BMP1: variants seen among roughly 807,000 people sequenced by gnomAD.
The protein encoded by BMP1 is bone morphogenetic protein 1.
BMP1 carries 63 observed loss-of-function variants against 116.8 expected under a neutral mutation model. That is an observed-to-expected ratio of 0.54 (90% CI 0.44 to 0.67). BMP1 has a LOEUF of 0.67. BMP1 is among the 30% of genes least tolerant of loss of function. BMP1 has a pLI of 0.00. For missense variants in BMP1, 1,183 were observed against 1,358.9 expected, an observed-to-expected ratio of 0.87 and a Z score of 2.04; for synonymous variants, 536 against 533.4, an observed-to-expected ratio of 1.00 and a Z score of -0.07.
Position 22,179,830 on chromosome 8 carries a change from G to C in BMP1, c.961+1G>C. On this transcript the variant is annotated splice_donor_variant, in intron 7 of 19. Coordinates refer to ENST00000306385, the MANE Select transcript of BMP1 (RefSeq NM_006129.5). LOFTEE classifies it high-confidence loss of function. The surrounding 1 kb of genome is among the most constrained non-coding windows in gnomAD (Gnocchi z 4.6). ...GCCCGCAAGCTTTACAAGTGCCCAG[G>C]TCAGGGCAGAGAAGGGATGGGTGAG... The C allele has an allele frequency of 6.2e-7, 1 of 1,613,082 alleles. No individual in the cohort carries two copies. The highest frequency in any genetic ancestry group is 8.5e-7 in the Non-Finnish European group (1 of 1,179,292).
chr8:22,201,776 C>T (rs376495635), intron 15 of BMP1, 27 bp from the exon 16 acceptor site: 30 of 1,611,134 alleles, frequency 1.9e-5, no homozygotes, highest in African/African-American at 6.7e-5. Context: ...ACAGACCCAG[C>T]GTCTGCCCTT....
chr8:22,175,136 C>T (rs776558342), intron 2 of BMP1, among the ~76,000 whole-genome samples: 54 of 152,268 alleles, frequency 3.5e-4, no homozygotes, highest in Non-Finnish European at 5.9e-4. Flanking sequence ...TATGGCACAA[C>T]GGAAAGCTGC....
rs138956744 is a variant in BMP1, at chr8:22,196,392, C to T, written c.1766-288C>T. On this transcript the variant is annotated intron_variant, in intron 13 of 19. Transcript: ENST00000306385. ...CTGCTTTCCCTGAGCCCCTTATTCC[C>T]GCTCACTCCCTCTTGGAGGACCTTG... 8.6e-4 allele frequency: 507 copies of T among 590,612 alleles called. 3 individuals carry two copies. Among genetic ancestry groups the T allele is most frequent in the African/African-American group, 3.6e-3 (196 of 54,472 alleles). 36.6% of individuals were successfully genotyped at this position (590,612 alleles called of 1,614,324 possible).
At position 22,206,967 on chromosome 8, in the gene BMP1, C is replaced by A. The variant is rs1472054511; in HGVS notation, c.2347C>A (p.His783Asn). 6.2e-7 allele frequency: 1 copy of A among 1,614,190 alleles called. No homozygotes were observed. Among genetic ancestry groups the A allele is most frequent in the Non-Finnish European group, 8.5e-7 (1 of 1,180,010 alleles). ...GTGGGCCATCTCCAGCACCCCCGGG[C>A]ACCGGGTCAAGCTGGTAAGGGGTCC... The part of the protein sequence containing the change: ...CTWAISSTPG[H>N]RVKLTFMEMD... The change falls in exon 17 of 20, where the codon CAC becomes AAC. Residue 783 changes from histidine (H) to asparagine (N), a missense_variant. Physicochemically the swap from His to Asn is moderately conservative, Grantham distance 68. Transcript: ENST00000306385.
intron 2 of BMP1, 46 bp downstream of exon 2, chr8:22,173,761 C>T: frequency 2.7e-6 from 4 of 1,494,926 alleles, no homozygotes; most frequent in Admixed American, 1.9e-5. Flanking sequence ...AAATGGGTTC[C>T]AGGCTTAGGG....
At chr8:22,191,519 C>T (rs1828930506) in intron 8 of BMP1, among the ~76,000 whole-genome samples, 1 of 152,156 alleles carries the variant, frequency 6.6e-6, no homozygotes, top group East Asian at 1.9e-4. Flanking sequence ...CGGAGGATGG[C>T]TTAAGCCTGG....
In BMP1 at chr8:22,203,754, G is replaced by A. The variant is rs117983324; in HGVS notation, c.2233+1826G>A. ...CTCAACAGTGAACCAGTGGACAGTC[G>A]AGGGCTTCCAACCCTGTGACCTCAG... On this transcript the variant is annotated intron_variant, in intron 16 of 19. Coordinates refer to ENST00000306385, the MANE Select transcript of BMP1 (RefSeq NM_006129.5). Among the ~76,000 whole-genome samples the A allele has an allele frequency of 9.6e-4, 146 of 152,252 alleles. 2 individuals are homozygous for A. The East Asian group carries it at 0.02, about 21-fold the overall frequency.
chr8:22,208,401 C>A (rs1222726200), intron 18 of BMP1, among the ~76,000 whole-genome samples: 3 of 152,244 alleles, frequency 2.0e-5, no homozygotes, highest in Non-Finnish European at 4.4e-5. Flanking sequence ...GCCCCCCACC[C>A]CATACTAGGA....
chr8:22,167,741 C>G (rs943797229), intron 1 of BMP1, among the ~76,000 whole-genome samples: 12 of 152,288 alleles, frequency 7.9e-5, no homozygotes, highest in South Asian at 4.1e-4. Flanking sequence ...CCGGGCCTGA[C>G]AAGGCCAGGC....
chr8:22,177,446 C>T (rs1828479556), intron 5 of BMP1: 1 of 686,170 alleles, frequency 1.5e-6, no homozygotes, highest in African/African-American at 1.7e-5. Flanking sequence ...GGGGACTGCT[C>T]AGGCCTTTCT....
At chr8:22,200,735 G>A (rs772013579) in intron 15 of BMP1, among the ~76,000 whole-genome samples, 19 of 152,068 alleles carry the variant, frequency 1.2e-4, no homozygotes, top group Non-Finnish European at 2.1e-4. Flanking sequence ...AGATGTCGCC[G>A]CCTGAATGAG....
intron 8 of BMP1, among the ~76,000 whole-genome samples, chr8:22,190,345 GA>G (rs1349557868): frequency 6.6e-6 from 1 of 152,190 alleles, no homozygotes; most frequent in Non-Finnish European, 1.5e-5. Flanking sequence ...AAGAATAGAA[GA>G]AAAAGGATGG....
At chr8:22,171,377 G>C (rs144921042) in intron 1 of BMP1, 1 of 152,310 alleles carries the variant, frequency 6.6e-6, no homozygotes, top group African/African-American at 2.4e-5. Flanking sequence ...GCATGTTGTG[G>C]GCAGGCCAGG....
intron 1 of BMP1, among the ~76,000 whole-genome samples, chr8:22,167,553 G>T (rs1331230786): frequency 6.6e-6 from 1 of 152,204 alleles, no homozygotes; most frequent in African/African-American, 2.4e-5. Flanking sequence ...TGTTGGAAAT[G>T]GGAGTGATTT....
Position 22,194,133 on chromosome 8 carries a change from G to A in BMP1, c.1256G>A (p.Ser419Asn). 1 of 1,614,078 alleles carries A rather than the reference G, an allele frequency of 6.2e-7. No homozygotes were observed. Among genetic ancestry groups the A allele is most frequent in the Non-Finnish European group, 8.5e-7 (1 of 1,179,984 alleles). ...DSRLWVEFRS[S>N]SNWVGKGFFA... ...CGCCTCTGGGTTGAATTCCGCAGCA[G>A]CAGCAATTGGGTTGGAAAGGGCTTC... The change falls in exon 10 of 20, where the codon AGC (serine) becomes AAC (asparagine). Residue 419 changes from serine to asparagine, a missense_variant. Physicochemically the swap from Ser to Asn is conservative, Grantham distance 46. Around this residue, in one of 4 missense-constraint regions of BMP1, gnomAD observed 956 missense variants for 1,135.2 expected, o/e 0.84. Transcript: ENST00000306385. This position sits in a 1 kb window ranked among gnomAD's most constrained non-coding sequence, Gnocchi z 4.5.
chr8:22,192,224 T>TC, intron 9 of BMP1, 73 bp downstream of exon 9: 1 of 1,360,678 alleles, frequency 7.3e-7, no homozygotes, highest in Admixed American at 1.7e-5. Context: ...ACACTCTTCA[T>TC]CCCCCTCCAG....
At chr8:22,193,771 G>A (rs192404992) in intron 9 of BMP1, among the ~76,000 whole-genome samples, 65 of 152,270 alleles carry the variant, frequency 4.3e-4, no homozygotes, top group African/African-American at 1.3e-3. Flanking sequence ...GTGACAGAGC[G>A]AGACTCCATC....
intron 14 of BMP1, 121 bp downstream of exon 14, chr8:22,196,961 A>C: frequency 3.8e-6 from 5 of 1,328,304 alleles, no homozygotes; most frequent in South Asian, 3.0e-5. Context: ...AATATCGAGG[A>C]GAGACTGCTC....
chr8:22,180,330 C>T (rs368845449), intron 7 of BMP1, 38 bp from the exon 8 acceptor site: 68 of 1,542,718 alleles, frequency 4.4e-5, no homozygotes, highest in Non-Finnish European at 5.5e-5. Flanking sequence ...GGGGATTTGG[C>T]GCCTGCAGCC....
Sources: allele counts gnomAD v4.1 joint callset (sites outside exome capture counted in the v4.1 genomes callset), GRCh38; gene constraint gnomAD v4.1.1; regional missense constraint gnomAD v4.1.1; non-coding constraint Gnocchi (gnomAD v3.1); transcripts MANE v1.5; gene names NCBI Gene and HGNC (gene_info 2026-07-23, HGNC 2026-07-21).